Variants in TK2 observed in about 807,000 individuals in gnomAD.
The protein encoded by TK2 is thymidine kinase 2, mitochondrial.
TK2 carries 35 observed loss-of-function variants against 41.9 expected under a neutral mutation model. The ratio of observed to expected loss-of-function variants is 0.84; its 90% confidence interval spans 0.64 to 1.11. The LOEUF (loss-of-function observed/expected upper bound fraction) is 1.11, where lower values mean the gene tolerates loss of function less well. Among genes scored for constraint, TK2 ranks in the 50% least tolerant of loss-of-function variants. The pLI, the probability that TK2 is intolerant of heterozygous loss-of-function variation, is 0.00. For missense variants in TK2, 320 were observed against 351.1 expected, an observed-to-expected ratio of 0.91 and a Z score of 0.71; for synonymous variants, 128 against 129.1, an observed-to-expected ratio of 0.99 and a Z score of 0.06.
At chr16:66,549,885 G>A in intron 1 of TK2, 53 bp downstream of exon 1, 6 of 1,309,008 alleles carry the variant, frequency 4.6e-6, no homozygotes, top group Non-Finnish European at 5.8e-6. Flanking sequence ...GAGGGGCCGG[G>A]AGTAGGTGGG....
intron 5 of TK2, among the ~76,000 whole-genome samples, chr16:66,530,614 A>G (rs1965080053): frequency 6.6e-6 from 1 of 152,216 alleles, no homozygotes; most frequent in African/African-American, 2.4e-5. Flanking sequence ...CAAAGCATGC[A>G]TTCGAGTCAC....
At chr16:66,550,209 A>G (rs376439034), upstream of TK2, 12 of 1,611,358 alleles carry the variant, frequency 7.4e-6, no homozygotes, top group African/African-American at 1.6e-4. Context: ...AAGAGGAGAA[A>G]TACTCGAAGG....
chr16:66,523,565 A>T (rs1250331758), intron 6 of TK2, among the ~76,000 whole-genome samples: 1 of 152,256 alleles, frequency 6.6e-6, no homozygotes, highest in African/African-American at 2.4e-5. Flanking sequence ...ATGGTGGCTC[A>T]CGCCTATAAT....
rs1964518755 is a variant in TK2, at chr16:66,513,713, T to C, written c.699+18A>G. The C allele has an allele frequency of 6.2e-7, 1 of 1,612,046 alleles. No individual in the cohort carries two copies. Among genetic ancestry groups the C allele is most frequent in the Non-Finnish European group, 8.5e-7 (1 of 1,178,316 alleles). ...CTTTCTAGAACAGTCTCGTACCCTG[T>C]AAGGGAGTCTTACTTACCAGAACAG... On this transcript the variant is annotated intron_variant, in intron 9 of 9. Coordinates refer to ENST00000544898, the MANE Select transcript of TK2 (RefSeq NM_004614.5).
chr16:66,520,135 G>A (rs1461130480), intron 6 of TK2, among the ~76,000 whole-genome samples: 1 of 152,130 alleles, frequency 6.6e-6, no homozygotes, highest in Non-Finnish European at 1.5e-5. Flanking sequence ...CCTGTGGGAC[G>A]GCCAGGACTC....
intron 6 of TK2, among the ~76,000 whole-genome samples, chr16:66,526,614 G>C (rs568696303): frequency 1.3e-5 from 2 of 152,238 alleles, no homozygotes; most frequent in South Asian, 4.2e-4. Flanking sequence ...TTAGCCAGAA[G>C]TGGTGACATG....
At chr16:66,525,547 G>A (rs943810025) in intron 6 of TK2, among the ~76,000 whole-genome samples, 16 of 152,250 alleles carry the variant, frequency 1.1e-4, no homozygotes, top group African/African-American at 2.6e-4. Context: ...AGAGGAATCC[G>A]ATGAAAGGGT....
At chr16:66,537,150 G>T in intron 3 of TK2, 133 bp from the exon 4 acceptor site, 1 of 1,130,832 alleles carries the variant, frequency 8.8e-7, no homozygotes, top group Non-Finnish European at 1.3e-6. Flanking sequence ...GGTGCCCAAG[G>T]TAGGCCAAAA....
At position 66,520,251 on chromosome 16, in the gene TK2, C is replaced by T. The variant is rs147010226; in HGVS notation, c.450-2374G>A. Among the ~76,000 whole-genome samples the T allele has an allele frequency of 9.9e-5, 15 of 152,266 alleles. No individual in the cohort carries two copies. In the East Asian group the frequency reaches 2.9e-3, roughly 29 times the overall value. The stretch of plus-strand genomic sequence containing the variant: ...CAACAAAACTCAGGCACTACAAGTT[C>T]AGGTGACAACTTTGTGTCCACAGGC... On this transcript the variant is annotated intron_variant, in intron 6 of 9. Transcript: ENST00000544898.
At chr16:66,532,154 A>G (rs1355444052) in intron 4 of TK2, among the ~76,000 whole-genome samples, 1 of 152,054 alleles carries the variant, frequency 6.6e-6, no homozygotes, top group Non-Finnish European at 1.5e-5. Flanking sequence ...AAAACCTTAA[A>G]GACTCCACCA....
intron 1 of TK2, chr16:66,549,321 A>T (rs1965708457): frequency 8.5e-7 from 1 of 1,183,340 alleles, no homozygotes; most frequent in Non-Finnish European, 1.1e-6. Flanking sequence ...GGAAAGGCAG[A>T]ACAGCCTCCA....
chr16:66,533,880 C>A (rs573730837), intron 4 of TK2, among the ~76,000 whole-genome samples: 1 of 151,306 alleles, frequency 6.6e-6, no homozygotes. Context: ...TGGTGGTGGG[C>A]GCCTGTAGTC....
chr16:66,538,925 G>A (rs662089), intron 3 of TK2, among the ~76,000 whole-genome samples: 16,646 of 152,110 alleles, frequency 0.11, 1,141 homozygotes, highest in Middle Eastern at 0.23. Flanking sequence ...CTGGCCTAGC[G>A]ACCCTGGACA....
intron 6 of TK2, among the ~76,000 whole-genome samples, chr16:66,526,451 G>T (rs1021242629): frequency 6.6e-6 from 1 of 152,110 alleles, no homozygotes; most frequent in African/African-American, 2.4e-5. Context: ...GCTTCAAAAA[G>T]AGCCACGAGG....
At chr16:66,519,281 C>A (rs962108501) in intron 6 of TK2, among the ~76,000 whole-genome samples, 1 of 152,166 alleles carries the variant, frequency 6.6e-6, no homozygotes, top group Non-Finnish European at 1.5e-5. Flanking sequence ...TAGGTTCAAG[C>A]GATTCTCCTG....
rs10454065 is a variant in TK2, at chr16:66,509,847, G to A, written c.*2121C>T. The A allele has an allele frequency of 4.1e-4, 63 of 152,886 alleles. No homozygotes were observed. The highest frequency in any genetic ancestry group is 5.8e-4 in the Non-Finnish European group (40 of 68,460). The allele number at this position is 152,886 out of a possible 1,614,324, so 9.5% of individuals were successfully genotyped here. Reference sequence around the variant, plus strand: ...CCTGCCCCCACCAGCTCTGCCTGCCGCAGAGGGACAGCAGCCCTTGTGCAA... The same window carrying A: ...CCTGCCCCCACCAGCTCTGCCTGCCACAGAGGGACAGCAGCCCTTGTGCAA... On this transcript the variant is annotated 3_prime_UTR_variant, in exon 10 of 10. Transcript: ENST00000544898.
At chr16:66,526,782 C>T (rs771971917) in intron 6 of TK2, among the ~76,000 whole-genome samples, 4 of 152,132 alleles carry the variant, frequency 2.6e-5, no homozygotes, top group Non-Finnish European at 4.4e-5. Context: ...GAGCCACTGA[C>T]CCCACACAGA....
chr16:66,549,530 G>A, intron 1 of TK2: 13 of 1,044,138 alleles, frequency 1.2e-5, no homozygotes, highest in Non-Finnish European at 1.5e-5. Flanking sequence ...CTCCCAGGGA[G>A]GGCAGGAGAG....
chr16:66,531,579 G>T, intron 4 of TK2, 110 bp from the exon 5 acceptor site: 2 of 1,027,662 alleles, frequency 1.9e-6, no homozygotes, highest in Non-Finnish European at 3.0e-6. Flanking sequence ...GCAGGGTTGG[G>T]GCTGGAGATA....
Sources: allele counts gnomAD v4.1 joint callset (sites outside exome capture counted in the v4.1 genomes callset), GRCh38; gene constraint gnomAD v4.1.1; transcripts MANE v1.5; gene names NCBI Gene and HGNC (gene_info 2026-07-23, HGNC 2026-07-21).